The following COA6 variants were observed in gnomAD, a reference collection of about 807,000 sequenced individuals.
COA6 encodes the protein cytochrome c oxidase assembly factor 6 homolog.
Under a neutral mutation model 17.1 loss-of-function variants are expected in COA6, and 12 were observed. The observed-to-expected ratio is 0.70, with a 90% confidence interval of 0.45 to 1.14. COA6 has a LOEUF of 1.14. Ranked by LOEUF, COA6 falls within the 50% of genes most tolerant of loss-of-function variation. COA6 has a pLI of 0.00. For synonymous variants in COA6, 90 were observed against 73.4 expected, an observed-to-expected ratio of 1.23 and a Z score of -1.16; for missense variants, 246 against 196.5, an observed-to-expected ratio of 1.25 and a Z score of -1.51.
At chr1:234,381,255 C>T (rs1374003143) in intron 2 of COA6, among the ~76,000 whole-genome samples, 3 of 152,134 alleles carry the variant, frequency 2.0e-5, no homozygotes. Flanking sequence ...TATGTGTATA[C>T]AGTATTTCTC....
intron 2 of COA6, among the ~76,000 whole-genome samples, chr1:234,379,506 C>T (rs939036565): frequency 2.0e-5 from 3 of 152,158 alleles, no homozygotes; most frequent in African/African-American, 7.2e-5. Context: ...AGTATGTGGA[C>T]ATTGAAATTA....
chr1:234,375,635 A>T (rs142271831), intron 2 of COA6, among the ~76,000 whole-genome samples: 353 of 152,250 alleles, frequency 2.3e-3, no homozygotes, highest in African/African-American at 7.3e-3. Flanking sequence ...GAACACAGTG[A>T]ACAGAAATTA....
At chr1:234,377,630 C>T (rs575699797) in intron 2 of COA6, among the ~76,000 whole-genome samples, 138 of 152,330 alleles carry the variant, frequency 9.1e-4, no homozygotes, top group Middle Eastern at 3.4e-3. Context: ...GCTGTGAGCT[C>T]AGCTGCTGTC....
Position 234,384,051 on chromosome 1 carries a change from T to G in COA6, c.*233T>G, listed in dbSNP as rs1409087224. The G allele has an allele frequency of 5.8e-6, 2 of 344,084 alleles. No individual in the cohort carries two copies. The highest frequency in any genetic ancestry group is 1.1e-5 in the Non-Finnish European group (2 of 186,566). 21.3% of individuals were successfully genotyped at this position (344,084 alleles called of 1,614,324 possible). A position where few individuals can be genotyped will look rare whatever the true frequency, so the allele number is the denominator to read the frequency against. On this transcript the variant is annotated 3_prime_UTR_variant, in exon 3 of 3. Transcript: ENST00000366615. ...TAAAACCTGTTATAAACACATGCAC[T>G]TTTGTTTTGTTTTTGTTTTGTTTTT...
intron 2 of COA6, among the ~76,000 whole-genome samples, chr1:234,382,663 A>G (rs1310237154): frequency 6.6e-6 from 1 of 152,208 alleles, no homozygotes; most frequent in Non-Finnish European, 1.5e-5. Flanking sequence ...GCTTTTAACA[A>G]AAGAACTAGT....
rs1415485986 is a variant in COA6, at chr1:234,375,148, AAAAAT to A, written c.372+761_372+765del. Reference sequence around the variant, plus strand: ...ACTAAAAATACAAAAAAAAAAAAAAAAAAATAGCTGGGCATGGTGGCACATGCCTC... The same window carrying A: ...ACTAAAAATACAAAAAAAAAAAAAAAAGCTGGGCATGGTGGCACATGCCTC... On this transcript the variant is annotated intron_variant, in intron 2 of 2. Transcript: ENST00000366615. 2.1e-4 allele frequency among the ~76,000 whole-genome samples: 32 copies of A among 151,982 alleles called. No individual in the cohort carries two copies. The South Asian group carries it at 6.4e-3, about 31-fold the overall frequency.
At chr1:234,380,339 G>A (rs1461458013) in intron 2 of COA6, among the ~76,000 whole-genome samples, 1 of 152,172 alleles carries the variant, frequency 6.6e-6, no homozygotes, top group Non-Finnish European at 1.5e-5. Flanking sequence ...CTTTGTTTTT[G>A]TTGCCTTTAA....
At chr1:234,377,911 C>G (rs1241471816) in intron 2 of COA6, among the ~76,000 whole-genome samples, 1 of 152,166 alleles carries the variant, frequency 6.6e-6, no homozygotes, top group Non-Finnish European at 1.5e-5. Context: ...GGGGTGTGTA[C>G]CTATAAAACT....
Position 234,384,823 on chromosome 1 carries a change from T to G in COA6, c.*1005T>G, listed in dbSNP as rs1193825382. On this transcript the variant is annotated 3_prime_UTR_variant, in exon 3 of 3. Coordinates refer to ENST00000366615, the MANE Select transcript of COA6 (RefSeq NM_001206641.3). The stretch of plus-strand genomic sequence containing the variant: ...TAACACCTATTTACATTGTATTAGG[T>G]ATTGTAAGTCATTGAGATGATTTAA... Among the ~76,000 whole-genome samples, 1 of 152,182 alleles carries G rather than the reference T, an allele frequency of 6.6e-6. No individual in the cohort carries two copies. The highest frequency in any genetic ancestry group is 1.5e-5 in the Non-Finnish European group (1 of 68,042).
intron 2 of COA6, among the ~76,000 whole-genome samples, chr1:234,375,378 G>A (rs1658763080): frequency 6.6e-6 from 1 of 152,208 alleles, no homozygotes; most frequent in African/African-American, 2.4e-5. Context: ...TCAGCAAGTG[G>A]CAAAACTGTA....
intron 2 of COA6, among the ~76,000 whole-genome samples, chr1:234,376,649 A>C (rs775681714): frequency 2.0e-5 from 3 of 152,238 alleles, no homozygotes; most frequent in Admixed American, 2.0e-4. Flanking sequence ...AATAGCTTGC[A>C]CAAGTCTCAT....
intron 2 of COA6, among the ~76,000 whole-genome samples, chr1:234,380,971 G>T (rs1446583843): frequency 1.3e-5 from 2 of 152,196 alleles, no homozygotes; most frequent in East Asian, 3.9e-4. Context: ...CTGCACTCCA[G>T]CTTGGGTGAC....
At chr1:234,375,437 G>A (rs576892985) in intron 2 of COA6, among the ~76,000 whole-genome samples, 41 of 152,338 alleles carry the variant, frequency 2.7e-4, no homozygotes, top group African/African-American at 9.6e-4. Flanking sequence ...ACTTGGATTT[G>A]CCTGTGCTTT....
At chr1:234,373,733 TCCC>T in intron 1 of COA6, 55 bp downstream of exon 1, 3 of 1,612,794 alleles carry the variant, frequency 1.9e-6, no homozygotes, top group Admixed American at 1.7e-5. Flanking sequence ...GCCCGGGAGG[TCCC>T]TTACTGTCCC....
chr1:234,374,445 T>G (rs1658726081), intron 2 of COA6, 56 bp downstream of exon 2: 1 of 1,569,526 alleles, frequency 6.4e-7, no homozygotes, highest in Admixed American at 1.8e-5. Flanking sequence ...GAGCTTATAC[T>G]GTGAGTGGTA....
intron 2 of COA6, among the ~76,000 whole-genome samples, chr1:234,382,745 C>T (rs1234704221): frequency 6.6e-6 from 1 of 152,126 alleles, no homozygotes; most frequent in Non-Finnish European, 1.5e-5. Context: ...TGTGGTGGCT[C>T]ACGCCTGCCA....
At position 234,382,483 on chromosome 1, in the gene COA6, C is replaced by T. The variant is rs1007447264; in HGVS notation, c.373-1240C>T. On this transcript the variant is annotated intron_variant, in intron 2 of 2. Transcript: ENST00000366615. ...AAATAACGGATCTATTAGCACACTC[C>T]GTGGCTGTCGTACACCCTCGGGAGA... 2.0e-5 allele frequency among the ~76,000 whole-genome samples: 3 copies of T among 152,218 alleles called. No individual in the cohort carries two copies. In the East Asian group the frequency reaches 5.8e-4, roughly 29 times the overall value.
rs1222918363 is a variant in COA6, at chr1:234,373,579, G to T, written c.113G>T (p.Gly38Val). The T allele has an allele frequency of 1.2e-6, 2 of 1,612,050 alleles. No individual in the cohort carries two copies. The highest frequency in any genetic ancestry group is 3.3e-5 in the Admixed American group (2 of 59,982). Residue 38 changes from glycine to valine, a missense_variant, in exon 1 of 3, where the codon GGC becomes GTC. Physicochemically the swap from Gly to Val is moderately radical, Grantham distance 109. Coordinates refer to ENST00000366615, the MANE Select transcript of COA6 (RefSeq NM_001206641.3). ...ELEPAGRPCS[G>V]RTRHRALHRR... The stretch of plus-strand genomic sequence containing the variant: ...GAGCCAGCGGGGCGACCCTGCAGTG[G>T]CAGGACTCGGCACCGCGCCCTCCAC...
In COA6 at chr1:234,384,771, AAAT is replaced by A. The variant is rs1659080098; in HGVS notation, c.*959_*961del. The stretch of plus-strand genomic sequence containing the variant: ...TTTTGGGAAAAGGAAAAACGAGTAA[AAAT>A]AATAAAAATTTAAAAATCCAGTATA... On this transcript the variant is annotated 3_prime_UTR_variant, in exon 3 of 3. Coordinates refer to ENST00000366615, the MANE Select transcript of COA6 (RefSeq NM_001206641.3). Among the ~76,000 whole-genome samples, 1 of 152,190 alleles carries A rather than the reference AAAT, an allele frequency of 6.6e-6. No homozygotes were observed. The highest frequency in any genetic ancestry group is 2.4e-5 in the African/African-American group (1 of 41,450).
Sources: allele counts gnomAD v4.1 joint callset (sites outside exome capture counted in the v4.1 genomes callset), GRCh38; gene constraint gnomAD v4.1.1; transcripts MANE v1.5; gene names NCBI Gene and HGNC (gene_info 2026-07-23, HGNC 2026-07-21).